The following CFAP54 variants were observed in gnomAD, a reference collection of about 807,000 sequenced individuals.
CFAP54 encodes the protein cilia and flagella associated protein 54, also known as cilia- and flagella-associated protein 54.
In CFAP54, 290 loss-of-function variants were observed where a neutral mutation model predicts 370.4. That is an observed-to-expected ratio of 0.78 (90% CI 0.71 to 0.86). The LOEUF (loss-of-function observed/expected upper bound fraction) is 0.86, where lower values mean the gene tolerates loss of function less well. CFAP54 is among the 40% of genes least tolerant of loss of function. CFAP54 has a pLI of 0.00. For missense variants in CFAP54, 3,399 were observed against 3,528.7 expected, an observed-to-expected ratio of 0.96 and a Z score of 0.93; for synonymous variants, 1,206 against 1,236.5, an observed-to-expected ratio of 0.98 and a Z score of 0.52.
chr12:96,614,560 G>C (rs539530018), intron 26 of CFAP54, among the ~76,000 whole-genome samples: 3 of 152,310 alleles, frequency 2.0e-5, no homozygotes, highest in Non-Finnish European at 2.9e-5. Flanking sequence ...ATTAGGAAAA[G>C]AGGAAGTCAA....
chr12:96,547,256 G>A (rs749425701), intron 14 of CFAP54, among the ~76,000 whole-genome samples: 4 of 152,200 alleles, frequency 2.6e-5, no homozygotes, highest in African/African-American at 7.2e-5. Context: ...CATGATCTTC[G>A]CTCACTGCAA....
At chr12:96,791,322 T>C (rs947957915) in intron 62 of CFAP54, among the ~76,000 whole-genome samples, 4 of 152,148 alleles carry the variant, frequency 2.6e-5, no homozygotes, top group Non-Finnish European at 5.9e-5. Flanking sequence ...ATTATCTCTA[T>C]GGCTAGCCTA....
chr12:96,500,995 A>G lies in CFAP54; in HGVS notation c.423+56A>G, dbSNP rs191214682. The G allele has an allele frequency of 5.3e-4, 578 of 1,093,470 alleles. 1 individual carries two copies. The highest frequency in any genetic ancestry group is 6.8e-4 in the Non-Finnish European group (515 of 753,866). 67.7% of individuals were successfully genotyped at this position (1,093,470 alleles called of 1,614,324 possible). A position where few individuals can be genotyped will look rare whatever the true frequency, so the allele number is the denominator to read the frequency against. On this transcript the variant is annotated intron_variant, in intron 2 of 67. Coordinates refer to ENST00000524981, the MANE Select transcript of CFAP54 (RefSeq NM_001306084.2). The stretch of plus-strand genomic sequence containing the variant: ...GAAGTTCATTTGGCTAATTATTATT[A>G]CAGTATTTAGTCTGATACCCTTCCT...
At chr12:96,788,280 A>G (rs898800621) in intron 62 of CFAP54, among the ~76,000 whole-genome samples, 5 of 152,208 alleles carry the variant, frequency 3.3e-5, no homozygotes, top group South Asian at 2.1e-4. Flanking sequence ...TAGCACATAC[A>G]GGGGAGGCAG....
Position 96,557,619 on chromosome 12 carries a change from G to A in CFAP54, c.2410+2817G>A, listed in dbSNP as rs113150782. 4.1e-3 allele frequency among the ~76,000 whole-genome samples: 626 copies of A among 152,106 alleles called. 6 individuals are homozygous for A. The highest frequency in any genetic ancestry group is 0.014 in the African/African-American group (580 of 41,514). On this transcript the variant is annotated intron_variant, in intron 17 of 67. Coordinates refer to ENST00000524981, the MANE Select transcript of CFAP54 (RefSeq NM_001306084.2). ...TCACATGGCAATGAAAATGACCAACGTGGATGAATTCTAGAAACATAATTT... is the reference window on the plus strand; with the variant it reads ...TCACATGGCAATGAAAATGACCAACATGGATGAATTCTAGAAACATAATTT...
At chr12:96,777,274 A>C (rs1958526472) in intron 60 of CFAP54, among the ~76,000 whole-genome samples, 1 of 152,178 alleles carries the variant, frequency 6.6e-6, no homozygotes, top group South Asian at 2.1e-4. Context: ...TATCACAGAA[A>C]AGATGAAAAA....
At chr12:96,525,052 A>G (rs573817619) in intron 8 of CFAP54, among the ~76,000 whole-genome samples, 18 of 152,294 alleles carry the variant, frequency 1.2e-4, no homozygotes, top group Non-Finnish European at 2.2e-4. Context: ...CTCTTGATAT[A>G]TGTTGCCAAC....
intron 63 of CFAP54, among the ~76,000 whole-genome samples, chr12:96,810,941 C>A (rs1296669027): frequency 6.6e-6 from 1 of 152,146 alleles, no homozygotes; most frequent in African/African-American, 2.4e-5. Flanking sequence ...GATACGGGAA[C>A]CTCCTGAGAG....
In CFAP54 at chr12:96,598,697, C is replaced by T. The variant is rs556532226; in HGVS notation, c.3569C>T (p.Ser1190Leu). 4.9e-5 allele frequency: 33 copies of T among 678,726 alleles called. No homozygotes were observed. The highest frequency in any genetic ancestry group is 4.1e-4 in the East Asian group (15 of 36,786). The allele number at this position is 678,726 out of a possible 1,614,324, so 42.0% of individuals were successfully genotyped here. A position where few individuals can be genotyped will look rare whatever the true frequency, so the allele number is the denominator to read the frequency against. The part of the protein sequence containing the change: ...VLQGLPSIVC[S>L]KKHTASFESI... ...CAAGGACTACCAAGTATTGTCTGCTCGAAGAAACATACTGCGAGCTTTGAA... is the reference window on the plus strand; with the variant it reads ...CAAGGACTACCAAGTATTGTCTGCTTGAAGAAACATACTGCGAGCTTTGAA... Residue 1190 changes from serine to leucine, a missense_variant, in exon 26 of 68, where the codon TCG (serine) becomes TTG (leucine). Coordinates refer to ENST00000524981, the MANE Select transcript of CFAP54 (RefSeq NM_001306084.2).
chr12:96,717,342 G>GATT (rs1957695110), intron 48 of CFAP54, among the ~76,000 whole-genome samples: 1 of 152,126 alleles, frequency 6.6e-6, no homozygotes, highest in Non-Finnish European at 1.5e-5. Flanking sequence ...CTCATCCTCA[G>GATT]CTGACCCCTA....
At chr12:96,561,082 G>A (rs1955809860) in intron 17 of CFAP54, among the ~76,000 whole-genome samples, 1 of 152,074 alleles carries the variant, frequency 6.6e-6, no homozygotes, top group Non-Finnish European at 1.5e-5. Flanking sequence ...TTTGCCAGTG[G>A]GAGGGAGGCC....
intron 30 of CFAP54, among the ~76,000 whole-genome samples, chr12:96,628,649 C>T (rs1286366603): frequency 6.6e-6 from 1 of 152,132 alleles, no homozygotes; most frequent in African/African-American, 2.4e-5. Flanking sequence ...TTTGCCCAAA[C>T]GAATGTCAAC....
chr12:96,549,316 A>G (rs1039589898), intron 15 of CFAP54, among the ~76,000 whole-genome samples: 13 of 152,244 alleles, frequency 8.5e-5, no homozygotes, highest in African/African-American at 2.9e-4. Flanking sequence ...TAAAACCACT[A>G]TATGAAATGG....
intron 50 of CFAP54, among the ~76,000 whole-genome samples, chr12:96,736,239 G>C (rs1340505993): frequency 2.0e-5 from 3 of 152,172 alleles, no homozygotes; most frequent in Admixed American, 2.0e-4. Flanking sequence ...TCAGCATTAT[G>C]TGTTAGCTTT....
At chr12:96,537,836 C>G (rs1955523399) in intron 12 of CFAP54, among the ~76,000 whole-genome samples, 1 of 151,574 alleles carries the variant, frequency 6.6e-6, no homozygotes, top group Non-Finnish European at 1.5e-5. Flanking sequence ...CACTGTAATC[C>G]CAGTACTTTG....
chr12:96,675,715 TA>T (rs1041649678), intron 39 of CFAP54, among the ~76,000 whole-genome samples: 2 of 152,068 alleles, frequency 1.3e-5, no homozygotes, highest in Admixed American at 1.3e-4. Context: ...TAGACTGGAT[TA>T]AGAAAATGTG....
rs1956859268 is a variant in CFAP54, at chr12:96,651,665, A to G, written c.4950A>G (p.Leu1650=). 4.3e-6 allele frequency: 7 copies of G among 1,614,186 alleles called. No homozygotes were observed. The highest frequency in any genetic ancestry group is 5.9e-6 in the Non-Finnish European group (7 of 1,180,014). ...CRALWNFTQE[L]QILLKQAVDL... ...CCTTATGGAACTTTACTCAGGAACT[A>G]CAAATACTTCTTAAACAGGCAGTGG... The change falls in exon 36 of 68, where the codon CTA becomes CTG. Residue 1650 remains leucine, a synonymous_variant. Transcript: ENST00000524981.
At position 96,594,369 on chromosome 12, in the gene CFAP54, C is replaced by A. The variant is rs755242570; in HGVS notation, c.3439C>A (p.Leu1147Ile). The change falls in exon 25 of 68, where the codon CTT becomes ATT. Residue 1147 changes from leucine (L) to isoleucine (I), a missense_variant. Leu to Ile is a conservative substitution (Grantham distance 5). Around this residue, in one of 3 missense-constraint regions of CFAP54, gnomAD observed 2,796 missense variants for 2,869.7 expected, o/e 0.97. Transcript: ENST00000524981. ...SNFLNDSSYA[L>I]QAVTQCYGLL... Reference sequence around the variant, plus strand: ...CTTCCTAAATGATTCCAGCTATGCCCTTCAAGCTGTGACTCAATGTTATGG... The same window carrying A: ...CTTCCTAAATGATTCCAGCTATGCCATTCAAGCTGTGACTCAATGTTATGG... The A allele has an allele frequency of 2.0e-6, 3 of 1,534,300 alleles. No homozygotes were observed. The South Asian group carries it at 3.6e-5, about 18-fold the overall frequency.
intron 32 of CFAP54, among the ~76,000 whole-genome samples, chr12:96,641,920 G>T (rs1052322995): frequency 1.6e-4 from 23 of 142,692 alleles, no homozygotes; most frequent in Non-Finnish European, 2.8e-4. Flanking sequence ...ACACACCGGG[G>T]CCTGTTGTGG....
Sources: allele counts gnomAD v4.1 joint callset (sites outside exome capture counted in the v4.1 genomes callset), GRCh38; gene constraint gnomAD v4.1.1; regional missense constraint gnomAD v4.1.1; transcripts MANE v1.5; gene names NCBI Gene and HGNC (gene_info 2026-07-23, HGNC 2026-07-21).